The following ANLN variants were observed in gnomAD, a reference collection of about 807,000 sequenced individuals.
ANLN encodes the protein anillin.
In ANLN, 59 loss-of-function variants were observed where a neutral mutation model predicts 135.1. The ratio of observed to expected loss-of-function variants is 0.44; its 90% CI spans 0.35 to 0.54. ANLN has a LOEUF of 0.54. Among genes scored for constraint, ANLN ranks in the 20% least tolerant of loss-of-function variants. ANLN has a pLI of 0.00. For synonymous variants in ANLN, 406 were observed against 456.4 expected, an observed-to-expected ratio of 0.89 and a Z score of 1.41; for missense variants, 1,182 against 1,340.0, an observed-to-expected ratio of 0.88 and a Z score of 1.84.
intron 20 of ANLN, among the ~76,000 whole-genome samples, chr7:36,435,614 C>T (rs1408020657): frequency 6.6e-6 from 1 of 151,994 alleles, no homozygotes; most frequent in Non-Finnish European, 1.5e-5. Flanking sequence ...TGGCTCACGC[C>T]TGTAATCCCA....
intron 20 of ANLN, among the ~76,000 whole-genome samples, chr7:36,438,439 A>G (rs1788634162): frequency 6.6e-6 from 1 of 152,140 alleles, no homozygotes; most frequent in Admixed American, 6.5e-5. Flanking sequence ...TGGCATGATC[A>G]TAGCTCACTG....
intron 22 of ANLN, 186 bp from the exon 23 acceptor site, chr7:36,449,479 A>G (rs1033399078): frequency 2.1e-5 from 10 of 475,140 alleles, no homozygotes; most frequent in Admixed American, 3.9e-5. Context: ...TTTGGGTTTT[A>G]TTTTTATGTC....
chr7:36,407,572 C>T, intron 4 of ANLN, 162 bp from the exon 5 acceptor site: 53 of 572,600 alleles, frequency 9.3e-5, no homozygotes, highest in South Asian at 1.2e-4. Flanking sequence ...GTTTTTTTTC[C>T]CAAATCTTTC....
chr7:36,429,678 C>CTG (rs758936742), intron 20 of ANLN, among the ~76,000 whole-genome samples: 11 of 152,060 alleles, frequency 7.2e-5, no homozygotes, highest in Non-Finnish European at 1.3e-4. Flanking sequence ...ATTTTACGAA[C>CTG]TGTGTTTTTT....
At chr7:36,410,737 CA>C in intron 6 of ANLN, 33 bp downstream of exon 6, 1 of 1,589,364 alleles carries the variant, frequency 6.3e-7, no homozygotes, top group Non-Finnish European at 8.6e-7. Context: ...TTATTCATCA[CA>C]TGGTCTCTGC....
chr7:36,406,439 A>G lies in ANLN; in HGVS notation c.746A>G (p.Asn249Ser). 1 of 1,613,538 alleles carries G rather than the reference A, an allele frequency of 6.2e-7. No individual in the cohort carries two copies. Among genetic ancestry groups the G allele is most frequent in the Non-Finnish European group, 8.5e-7 (1 of 1,179,528 alleles). Residue 249 changes from asparagine to serine, a missense_variant, in exon 4 of 24, where the codon AAT becomes AGT. This residue lies in a region of ANLN where 1,022 missense variants were observed against 1,134.0 expected (regional missense o/e 0.90). Coordinates refer to ENST00000265748, the MANE Select transcript of ANLN (RefSeq NM_018685.5). ...SSASGASARI[N>S]SSSVKQEATF... ...GCAAGTGGAGCATCTGCTAGGATCA[A>G]TAGCAGCAGTGTTAAGCAGGAAGCT...
At chr7:36,444,189 C>G (rs1788894122) in intron 22 of ANLN, among the ~76,000 whole-genome samples, 1 of 151,732 alleles carries the variant, frequency 6.6e-6, no homozygotes, top group Non-Finnish European at 1.5e-5. Flanking sequence ...ACTCAGGAGG[C>G]TGAGGCAGGA....
chr7:36,431,565 G>GTT (rs1788314287), intron 20 of ANLN, among the ~76,000 whole-genome samples: 4 of 10,632 alleles, frequency 3.8e-4, no homozygotes, highest in Non-Finnish European at 1.4e-3. Context: ...GTGTGTTTGT[G>GTT]TGTGTGTGTG....
chr7:36,433,937 T>C (rs1251651639), intron 20 of ANLN, among the ~76,000 whole-genome samples: 1 of 152,202 alleles, frequency 6.6e-6, no homozygotes, highest in African/African-American at 2.4e-5. Flanking sequence ...CATCTTTTCA[T>C]CTAAATATTT....
At chr7:36,413,823 T>C (rs1787526846) in intron 7 of ANLN, among the ~76,000 whole-genome samples, 1 of 150,730 alleles carries the variant, frequency 6.6e-6, no homozygotes, top group Non-Finnish European at 1.5e-5. Flanking sequence ...AAACCCTATC[T>C]GTACTAAAAA....
chr7:36,450,564 A>G (rs1037063427), intron 23 of ANLN, among the ~76,000 whole-genome samples: 1 of 152,226 alleles, frequency 6.6e-6, no homozygotes, highest in Non-Finnish European at 1.5e-5. Context: ...ACACAATACT[A>G]AAATAGAACA....
intron 23 of ANLN, 139 bp downstream of exon 23, chr7:36,449,976 A>C (rs1789179243): frequency 2.9e-6 from 2 of 687,238 alleles, no homozygotes; most frequent in South Asian, 5.4e-5. Flanking sequence ...ACACACACAA[A>C]GCAGTAAGTG....
chr7:36,431,553 G>A (rs1391805835), intron 20 of ANLN, among the ~76,000 whole-genome samples: 1 of 79,064 alleles, frequency 1.3e-5, no homozygotes, highest in East Asian at 4.5e-4. Flanking sequence ...GTGTATATAT[G>A]TGTGTGTTTG....
At chr7:36,434,683 A>G (rs1056199557) in intron 20 of ANLN, among the ~76,000 whole-genome samples, 1 of 152,020 alleles carries the variant, frequency 6.6e-6, no homozygotes, top group African/African-American at 2.4e-5. Context: ...GGTCAACATG[A>G]TGAAACCCCA....
Position 36,396,269 on chromosome 7 carries a change from C to T in ANLN, c.22C>T (p.Leu8=), listed in dbSNP as rs1187473239. ...ACTGATATATTTATTTATGTAGAAA[C>T]TGCTGGAGCGAACCCGTGCCAGGCG... is the stretch of plus-strand genomic sequence containing the variant. MDPFTEK[L]LERTRARREN... Residue 8 remains leucine, a synonymous_variant, in exon 2 of 24, where the codon CTG becomes TTG. Coordinates refer to ENST00000265748, the MANE Select transcript of ANLN (RefSeq NM_018685.5). 6.3e-7 allele frequency: 1 copy of T among 1,591,210 alleles called. No individual in the cohort carries two copies. Among genetic ancestry groups the T allele is most frequent in the Non-Finnish European group, 8.6e-7 (1 of 1,167,654 alleles).
chr7:36,411,023 G>A (rs771162159), intron 6 of ANLN, 36 bp from the exon 7 acceptor site: 12 of 1,535,232 alleles, frequency 7.8e-6, no homozygotes, highest in Admixed American at 4.6e-5. Flanking sequence ...ACATGCTACC[G>A]GCTCTTGTGT....
At chr7:36,407,575 A>C in intron 4 of ANLN, 159 bp from the exon 5 acceptor site, 1 of 600,440 alleles carries the variant, frequency 1.7e-6, no homozygotes, top group Admixed American at 3.3e-5. Flanking sequence ...TTTTTTCCCA[A>C]ATCTTTCAAA....
In ANLN at chr7:36,407,763, A is replaced by T. The variant is rs540686898; in HGVS notation, c.903A>T (p.Thr301=). Residue 301 remains threonine (T), a synonymous_variant, in exon 5 of 24, where the codon ACA becomes ACT. Transcript: ENST00000265748. ...CTACTTCTCCAGTGAAATCTACTAC[A>T]TCTATCACTGATGCTAAAAGTTGTG... ...VKATSPVKST[T]SITDAKSCEG... is the part of the protein sequence containing the mutation. 9 of 1,613,556 alleles carry T rather than the reference A, an allele frequency of 5.6e-6. No homozygotes were observed. In the South Asian group the frequency reaches 9.9e-5, roughly 18 times the overall value.
chr7:36,425,966 A>G, intron 18 of ANLN, 49 bp from the exon 19 acceptor site: 1 of 1,408,596 alleles, frequency 7.1e-7, no homozygotes, highest in Admixed American at 2.3e-5. Flanking sequence ...TGTATTAAAT[A>G]AGGGAAATAA....
Sources: gnomAD v4.1 joint callset for allele counts (sites outside exome capture counted in the v4.1 genomes callset) on GRCh38, gnomAD v4.1.1 for gene constraint, gnomAD v4.1.1 regional missense constraint, MANE v1.5 for transcripts, NCBI Gene and HGNC (gene_info 2026-07-23, HGNC 2026-07-21) for gene names.